Variants in CCDC178 observed in about 807,000 individuals in gnomAD.
CCDC178 encodes the protein coiled-coil domain-containing protein 178.
Under a neutral mutation model 117.4 loss-of-function variants are expected in CCDC178, and 126 were observed. The observed-to-expected ratio is 1.07, with a 90% CI of 0.93 to 1.24. CCDC178 has a LOEUF of 1.24. Among genes scored for constraint, CCDC178 ranks in the 50% most tolerant of loss-of-function variants. The pLI, the probability that CCDC178 is intolerant of heterozygous loss-of-function variation, is 0.00. For missense variants in CCDC178, 1,030 were observed against 986.9 expected, an observed-to-expected ratio of 1.04 and a Z score of -0.59; for synonymous variants, 283 against 313.4, an observed-to-expected ratio of 0.90 and a Z score of 1.02.
At chr18:32,997,479 T>C (rs1016400674) in intron 21 of CCDC178, among the ~76,000 whole-genome samples, 8 of 152,306 alleles carry the variant, frequency 5.3e-5, no homozygotes, top group Admixed American at 2.6e-4. Flanking sequence ...CAAGTTTTCA[T>C]TGGATGTTCA....
intron 21 of CCDC178, among the ~76,000 whole-genome samples, chr18:32,993,061 G>A (rs756147434): frequency 7.2e-5 from 11 of 152,020 alleles, no homozygotes; most frequent in Non-Finnish European, 1.6e-4. Flanking sequence ...AGCTACTCTC[G>A]AGGCTGAGTC....
chr18:33,223,814 T>C (rs1048689655), intron 17 of CCDC178, among the ~76,000 whole-genome samples: 1 of 152,294 alleles, frequency 6.6e-6, no homozygotes, highest in South Asian at 2.1e-4. Flanking sequence ...ATTAAAATCA[T>C]TTATCCCACT....
chr18:33,352,773 A>T (rs549122997), intron 7 of CCDC178, among the ~76,000 whole-genome samples: 1 of 152,218 alleles, frequency 6.6e-6, no homozygotes, highest in African/African-American at 2.4e-5. Flanking sequence ...GGTCAGAAAA[A>T]AATACCATGT....
chr18:33,150,631 A>G (rs894268687), intron 20 of CCDC178, among the ~76,000 whole-genome samples: 1 of 152,210 alleles, frequency 6.6e-6, no homozygotes, highest in Non-Finnish European at 1.5e-5. Context: ...AATGTTCAAC[A>G]TCACGAGATG....
At chr18:33,025,544 G>A (rs2056210188) in intron 21 of CCDC178, among the ~76,000 whole-genome samples, 1 of 151,880 alleles carries the variant, frequency 6.6e-6, no homozygotes, top group Non-Finnish European at 1.5e-5. Context: ...AAACTCAAAG[G>A]TTAAAAAACC....
At chr18:32,947,850 G>T (rs1236244429) in intron 22 of CCDC178, among the ~76,000 whole-genome samples, 6 of 152,028 alleles carry the variant, frequency 3.9e-5, no homozygotes, top group Non-Finnish European at 8.8e-5. Context: ...CTATGTTTAG[G>T]ATTATGATTT....
intron 9 of CCDC178, among the ~76,000 whole-genome samples, chr18:33,337,701 G>T (rs921728703): frequency 1.3e-5 from 2 of 152,104 alleles, no homozygotes; most frequent in African/African-American, 4.8e-5. Context: ...TAATTGGCAA[G>T]CCACATGTAG....
At chr18:33,293,108 A>T in intron 12 of CCDC178, 51 bp downstream of exon 12, 1 of 1,313,514 alleles carries the variant, frequency 7.6e-7, no homozygotes, top group Non-Finnish European at 1.0e-6. Flanking sequence ...TTTACTATTT[A>T]TAACTCAAAA....
chr18:33,416,826 C>A (rs1478627994), intron 2 of CCDC178, among the ~76,000 whole-genome samples: 2 of 152,268 alleles, frequency 1.3e-5, no homozygotes, highest in East Asian at 3.9e-4. Flanking sequence ...CCTCCTACCC[C>A]TTCCAGCCAG....
intron 2 of CCDC178, among the ~76,000 whole-genome samples, chr18:33,418,639 C>A (rs1212436119): frequency 6.6e-6 from 1 of 151,598 alleles, no homozygotes; most frequent in African/African-American, 2.4e-5. Flanking sequence ...AGAATTTCAG[C>A]AAAGTTTCAG....
At chr18:33,189,296 A>G (rs141362882) in intron 20 of CCDC178, among the ~76,000 whole-genome samples, 1 of 152,118 alleles carries the variant, frequency 6.6e-6, no homozygotes, top group Non-Finnish European at 1.5e-5. Context: ...TAAGCAGCAG[A>G]AGAATAAAGT....
At chr18:33,048,695 A>G (rs2056690237) in intron 21 of CCDC178, among the ~76,000 whole-genome samples, 2 of 152,110 alleles carry the variant, frequency 1.3e-5, no homozygotes. Flanking sequence ...ATCTGTTTGT[A>G]TCTTAGGGGA....
chr18:33,010,562 T>G (rs2055843403), intron 21 of CCDC178, among the ~76,000 whole-genome samples: 1 of 152,136 alleles, frequency 6.6e-6, no homozygotes, highest in Admixed American at 6.5e-5. Context: ...CTGCCTTAGG[T>G]GGCAAATTTT....
At chr18:33,155,450 TA>T (rs2058383276) in intron 20 of CCDC178, among the ~76,000 whole-genome samples, 1 of 152,092 alleles carries the variant, frequency 6.6e-6, no homozygotes, top group Non-Finnish European at 1.5e-5. Context: ...TTTAAGAAGC[TA>T]GACAAAGAAA....
intron 12 of CCDC178, among the ~76,000 whole-genome samples, chr18:33,276,540 G>C (rs2059952318): frequency 6.6e-6 from 1 of 152,012 alleles, no homozygotes; most frequent in African/African-American, 2.4e-5. Context: ...CAAGAATCCA[G>C]AAAAATAGCA....
chr18:33,224,698 A>G (rs1385017434), intron 17 of CCDC178, 77 bp downstream of exon 17: 1 of 949,186 alleles, frequency 1.1e-6, no homozygotes, highest in Non-Finnish European at 1.5e-6. Flanking sequence ...TTCCCAAATG[A>G]TAATGTAAAA....
intron 5 of CCDC178, among the ~76,000 whole-genome samples, chr18:33,373,976 T>C (rs577150161): frequency 6.6e-6 from 1 of 152,232 alleles, no homozygotes; most frequent in African/African-American, 2.4e-5. Flanking sequence ...CTTTGAAAAA[T>C]GGGCAGTTCA....
intron 21 of CCDC178, among the ~76,000 whole-genome samples, chr18:33,019,101 T>C (rs1164383533): frequency 5.3e-5 from 8 of 152,196 alleles, no homozygotes; most frequent in Admixed American, 3.9e-4. Flanking sequence ...TACCTTCTCA[T>C]ATTCATATTT....
At chr18:33,355,149 T>A (rs1221008516) in intron 7 of CCDC178, among the ~76,000 whole-genome samples, 5 of 152,224 alleles carry the variant, frequency 3.3e-5, no homozygotes, top group African/African-American at 4.8e-5. Context: ...TTTCTTTGCA[T>A]TCTTCATATT....
Sources: allele counts gnomAD v4.1 joint callset (sites outside exome capture counted in the v4.1 genomes callset), GRCh38; gene constraint gnomAD v4.1.1; transcripts MANE v1.5; gene names NCBI Gene and HGNC (gene_info 2026-07-23, HGNC 2026-07-21).